BCLAF3: variants seen among roughly 807,000 people sequenced by gnomAD.
BCLAF3 encodes the protein transient octamer binding factor 1.
A neutral mutation model predicts 51.2 loss-of-function variants in BCLAF3; 24 were observed. The ratio of observed to expected loss-of-function variants is 0.47; its 90% confidence interval spans 0.34 to 0.66. The LOEUF (loss-of-function observed/expected upper bound fraction) is 0.66, where lower values mean the gene tolerates loss of function less well. BCLAF3 is among the 30% of genes least tolerant of loss of function. The pLI, the probability that BCLAF3 is intolerant of heterozygous loss-of-function variation, is 0.01. For missense variants in BCLAF3, 465 were observed against 525.1 expected, an observed-to-expected ratio of 0.89 and a Z score of 1.12; for synonymous variants, 152 against 176.6, an observed-to-expected ratio of 0.86 and a Z score of 1.10.
intron 4 of BCLAF3, among the ~76,000 whole-genome samples, chrX:19,955,852 A>G (rs1009755789): frequency 8.9e-6 from 1 of 111,780 alleles, no homozygotes. Context: ...AATACAAGGT[A>G]TTAAAGACAC....
rs776425924 is a variant in BCLAF3, at chrX:19,970,221, C to T, written c.41+3G>A. 3 of 1,207,878 alleles carry T rather than the reference C, an allele frequency of 2.5e-6. No homozygotes were observed. In the South Asian group the frequency reaches 5.3e-5, roughly 21 times the overall value. On this transcript the variant is annotated splice_donor_region_variant and intron_variant, in intron 2 of 11. Coordinates refer to ENST00000379682, the MANE Select transcript of BCLAF3 (RefSeq NM_001367774.2). ...CAAGCTTACTCTGCTAAGAACTGCT[C>T]ACCTGTGTTTCCACCTGGGGGATCT...
At chrX:19,967,943 C>T (rs2072115916) in intron 2 of BCLAF3, among the ~76,000 whole-genome samples, 1 of 111,997 alleles carries the variant, frequency 8.9e-6, no homozygotes, top group Admixed American at 9.5e-5. Flanking sequence ...AGAAACTCTG[C>T]CATCCAGCTG....
In BCLAF3 at chrX:19,984,216, A is replaced by G. The variant is rs186270488; in HGVS notation, c.-35+6692T>C. On this transcript the variant is annotated intron_variant, in intron 1 of 11. Transcript: ENST00000379682. Reference sequence around the variant, plus strand: ...CCACACCCCACAATGAAGATATAACATATAAATATATGTATTTATATAAAC... The same window carrying G: ...CCACACCCCACAATGAAGATATAACGTATAAATATATGTATTTATATAAAC... Among the ~76,000 whole-genome samples, 1,044 of 111,031 alleles carry G rather than the reference A, an allele frequency of 9.4e-3. 11 individuals carry two copies. Among genetic ancestry groups the G allele is most frequent in the African/African-American group, 0.031 (955 of 30,647 alleles).
chrX:19,975,769 G>A (rs1378700590), intron 1 of BCLAF3, among the ~76,000 whole-genome samples: 1 of 111,999 alleles, frequency 8.9e-6, no homozygotes, highest in Non-Finnish European at 1.9e-5. Flanking sequence ...GATTACAGGC[G>A]TGAACCACCA....
rs745941225 is a variant in BCLAF3 at position 19,948,631 on chromosome X, T to G, written c.1745+2122A>C. Among the ~76,000 whole-genome samples, 38 of 105,632 alleles carry G rather than the reference T, an allele frequency of 3.6e-4. No homozygotes were observed. In the South Asian group the frequency reaches 0.016, roughly 43 times the overall value. The allele number at this position is 105,632 out of a possible 115,157, so 91.7% of individuals were successfully genotyped here. A position where few individuals can be genotyped will look rare whatever the true frequency, so the allele number is the denominator to read the frequency against. On this transcript the variant is annotated intron_variant, in intron 8 of 11. Coordinates refer to ENST00000379682, the MANE Select transcript of BCLAF3 (RefSeq NM_001367774.2). ...AAAAAAATACGAAAAATTAGCCGGG[T>G]GTGGTGGCAGGAGCCTGTGGTCCCA...
intron 7 of BCLAF3, among the ~76,000 whole-genome samples, chrX:19,952,213 G>A (rs765585977): frequency 5.4e-5 from 6 of 111,464 alleles, no homozygotes; most frequent in Non-Finnish European, 1.1e-4. Flanking sequence ...AATATCATTT[G>A]TTCAACAAAT....
intron 8 of BCLAF3, among the ~76,000 whole-genome samples, chrX:19,948,888 G>A (rs761928166): frequency 7.2e-5 from 8 of 111,063 alleles, no homozygotes; most frequent in Non-Finnish European, 1.1e-4. Context: ...GAGAAATGGG[G>A]CAGGGAGTGG....
At chrX:19,965,939 A>G in intron 3 of BCLAF3, 141 bp downstream of exon 3, 1 of 593,326 alleles carries the variant, frequency 1.7e-6, no homozygotes. Flanking sequence ...CACTACTACC[A>G]GTACCCCATA....
rs1437621803 is a variant in BCLAF3, at chrX:19,978,776, T to A, written c.-34-8478A>T. 1.8e-5 allele frequency among the ~76,000 whole-genome samples: 2 copies of A among 109,801 alleles called. 1 individual carries two copies. Among genetic ancestry groups the A allele is most frequent in the South Asian group, 7.7e-4 (2 of 2,596 alleles). On this transcript the variant is annotated intron_variant, in intron 1 of 11. Transcript: ENST00000379682. ...TCTTATTTATTTTTTTTTTGTCTTA[T>A]ATTTTTTCAGAGATGGGGTTTCACT...
intron 1 of BCLAF3, among the ~76,000 whole-genome samples, chrX:19,986,105 G>A (rs1210625686): frequency 1.8e-5 from 2 of 110,382 alleles, no homozygotes; most frequent in East Asian, 5.6e-4. Context: ...AGGAAAAAAG[G>A]GGAAAAGCAC....
chrX:19,960,150 T>C (rs1732949931), intron 4 of BCLAF3, among the ~76,000 whole-genome samples: 1 of 111,739 alleles, frequency 8.9e-6, no homozygotes, highest in African/African-American at 3.3e-5. Flanking sequence ...TTCTTGGCTT[T>C]TATTTTTATT....
At chrX:19,971,456 A>G (rs149202468) in intron 1 of BCLAF3, among the ~76,000 whole-genome samples, 48 of 112,439 alleles carry the variant, frequency 4.3e-4, no homozygotes, top group African/African-American at 1.6e-3. Context: ...ATAATTGAAC[A>G]TTATTAGACA....
intron 5 of BCLAF3, 59 bp from the exon 6 acceptor site, chrX:19,953,951 A>C: frequency 1.7e-6 from 2 of 1,147,203 alleles, no homozygotes; most frequent in Non-Finnish European, 2.3e-6. Context: ...TTAAAAGATT[A>C]CATATAAGCA....
Position 19,982,574 on chromosome X carries a change from C to T in BCLAF3, c.-35+8334G>A, listed in dbSNP as rs1430984563. The stretch of plus-strand genomic sequence containing the variant: ...TCACACACACACACACACACACACA[C>T]ACACACACACGCACACACACACACA... On this transcript the variant is annotated intron_variant, in intron 1 of 11. Coordinates refer to ENST00000379682, the MANE Select transcript of BCLAF3 (RefSeq NM_001367774.2). 2.7e-5 allele frequency among the ~76,000 whole-genome samples: 3 copies of T among 109,203 alleles called. No individual in the cohort carries two copies. In the Admixed American group the frequency reaches 3.0e-4, roughly 11 times the overall value. 94.8% of individuals were successfully genotyped at this position (109,203 alleles called of 115,157 possible). A position where few individuals can be genotyped will look rare whatever the true frequency, so the allele number is the denominator to read the frequency against.
intron 11 of BCLAF3, among the ~76,000 whole-genome samples, chrX:19,919,404 G>A (rs1269290277): frequency 8.9e-6 from 1 of 111,894 alleles, no homozygotes; most frequent in Non-Finnish European, 1.9e-5. Context: ...AAAATTAGCT[G>A]AGCGTCATAG....
chrX:19,986,700 C>T (rs1438542217), intron 1 of BCLAF3, among the ~76,000 whole-genome samples: 1 of 110,962 alleles, frequency 9.0e-6, no homozygotes, highest in Non-Finnish European at 1.9e-5. Context: ...TTCAAACAGT[C>T]CAGCTGGGAA....
intron 4 of BCLAF3, among the ~76,000 whole-genome samples, chrX:19,961,723 G>A (rs944391056): frequency 1.8e-5 from 2 of 112,209 alleles, no homozygotes; most frequent in African/African-American, 6.5e-5. Context: ...CCATTCACCA[G>A]GAAATAAAGA....
chrX:19,976,877 C>T lies in BCLAF3; in HGVS notation c.-34-6579G>A, dbSNP rs1420604623. On this transcript the variant is annotated intron_variant, in intron 1 of 11. Transcript: ENST00000379682. ...GGGTTTGTGGCAAACCTGCATTGAA[C>T]GAGTCTATCAGTGCCATTTTTCCAA... Among the ~76,000 whole-genome samples, 3 of 111,583 alleles carry T rather than the reference C, an allele frequency of 2.7e-5. No individual in the cohort carries two copies. The Admixed American group carries it at 2.9e-4, about 11-fold the overall frequency.
intron 8 of BCLAF3, among the ~76,000 whole-genome samples, chrX:19,937,990 G>A (rs1319251065): frequency 1.8e-5 from 2 of 111,546 alleles, no homozygotes; most frequent in Non-Finnish European, 3.8e-5. Context: ...GACTGGCTCA[G>A]GGTCCCCTCA....
Sources: allele counts gnomAD v4.1 joint callset (sites outside exome capture counted in the v4.1 genomes callset), GRCh38; gene constraint gnomAD v4.1.1; transcripts MANE v1.5; gene names NCBI Gene and HGNC (gene_info 2026-07-23, HGNC 2026-07-21).